The following SNTB1 variants were observed in gnomAD, a reference collection of about 807,000 sequenced individuals.
SNTB1 encodes beta-1-syntrophin.
A neutral mutation model predicts 48.9 loss-of-function variants in SNTB1; 36 were observed. The ratio of observed to expected loss-of-function variants is 0.74; its 90% confidence interval spans 0.56 to 0.97. The LOEUF (loss-of-function observed/expected upper bound fraction) is 0.97. SNTB1 is among the 50% of genes least tolerant of loss of function. The pLI is 0.00. For missense variants in SNTB1, 786 were observed against 703.4 expected, an observed-to-expected ratio of 1.12 and a Z score of -1.33; for synonymous variants, 299 against 294.6, an observed-to-expected ratio of 1.01 and a Z score of -0.15.
intron 1 of SNTB1, among the ~76,000 whole-genome samples, 200 bp downstream of exon 1, chr8:120,811,073 G>A (rs1820418157): frequency 6.6e-6 from 1 of 151,940 alleles, no homozygotes; most frequent in Non-Finnish European, 1.5e-5. Context: ...GAGACAAATT[G>A]CCCCCAGGGT....
At chr8:120,725,840 T>C (rs1818747041) in intron 1 of SNTB1, among the ~76,000 whole-genome samples, 1 of 152,224 alleles carries the variant, frequency 6.6e-6, no homozygotes, top group South Asian at 2.1e-4. Flanking sequence ...AGGAGAGCTT[T>C]CTTAAGAGTT....
At chr8:120,671,290 C>T (rs1817753755) in intron 2 of SNTB1, among the ~76,000 whole-genome samples, 1 of 152,206 alleles carries the variant, frequency 6.6e-6, no homozygotes, top group Admixed American at 6.5e-5. Flanking sequence ...CCCAGAACCT[C>T]AGAATGCAAC....
chr8:120,703,915 A>G (rs554583393), intron 1 of SNTB1, among the ~76,000 whole-genome samples: 29 of 152,336 alleles, frequency 1.9e-4, no homozygotes, highest in Admixed American at 3.9e-4. Context: ...GCATACTATT[A>G]CGCCTACCTT....
intron 2 of SNTB1, among the ~76,000 whole-genome samples, chr8:120,649,177 A>G (rs1194080902): frequency 6.6e-6 from 1 of 150,952 alleles, no homozygotes; most frequent in Non-Finnish European, 1.5e-5. Context: ...CGTCAAAGTC[A>G]TTCTCCATCC....
chr8:120,802,845 C>G (rs73325158), intron 1 of SNTB1, among the ~76,000 whole-genome samples: 1 of 151,866 alleles, frequency 6.6e-6, no homozygotes. Context: ...TCAGAACAAA[C>G]CTACAAAGAG....
At chr8:120,555,192 G>C (rs1237655041) in intron 4 of SNTB1, among the ~76,000 whole-genome samples, 1 of 152,162 alleles carries the variant, frequency 6.6e-6, no homozygotes, top group African/African-American at 2.4e-5. Context: ...GGAAAATTTA[G>C]AACACGGACA....
At chr8:120,720,602 G>A (rs1285381034) in intron 1 of SNTB1, among the ~76,000 whole-genome samples, 2 of 152,214 alleles carry the variant, frequency 1.3e-5, no homozygotes, top group South Asian at 4.1e-4. Context: ...CTTATGGCGA[G>A]AAGTATTAGA....
At chr8:120,597,043 T>G (rs1587017261) in intron 3 of SNTB1, among the ~76,000 whole-genome samples, 1 of 152,172 alleles carries the variant, frequency 6.6e-6, no homozygotes, top group East Asian at 1.9e-4. Context: ...ATAGGGAGAC[T>G]AGCCTGAGTT....
intron 4 of SNTB1, among the ~76,000 whole-genome samples, chr8:120,567,494 C>T (rs987026069): frequency 1.3e-5 from 2 of 150,042 alleles, no homozygotes; most frequent in Admixed American, 1.3e-4. Flanking sequence ...CATCATAGCT[C>T]ATTGCAACCT....
At chr8:120,719,748 G>A (rs1457075660) in intron 1 of SNTB1, among the ~76,000 whole-genome samples, 3 of 152,314 alleles carry the variant, frequency 2.0e-5, no homozygotes, top group Admixed American at 2.0e-4. Flanking sequence ...TGTAGGGAAA[G>A]AGAGACAGGG....
chr8:120,644,701 T>C (rs933296382), intron 2 of SNTB1, among the ~76,000 whole-genome samples: 7 of 151,556 alleles, frequency 4.6e-5, no homozygotes, highest in Non-Finnish European at 4.4e-5. Flanking sequence ...CTGGGTCAAA[T>C]GGTATTTCCA....
intron 1 of SNTB1, among the ~76,000 whole-genome samples, chr8:120,754,588 A>T (rs977751815): frequency 2.0e-5 from 3 of 152,172 alleles, no homozygotes; most frequent in African/African-American, 7.2e-5. Context: ...AATTGTTCCA[A>T]ATTCAGAGGG....
intron 1 of SNTB1, among the ~76,000 whole-genome samples, chr8:120,782,031 G>A (rs182779701): frequency 1.8e-3 from 274 of 152,302 alleles, no homozygotes; most frequent in Non-Finnish European, 7.5e-4. Context: ...CAAAATCACA[G>A]TGTGAGCAGG....
At chr8:120,615,100 G>A (rs1395226765) in intron 3 of SNTB1, among the ~76,000 whole-genome samples, 2 of 151,888 alleles carry the variant, frequency 1.3e-5, no homozygotes, top group African/African-American at 2.4e-5. Context: ...TCAGTGAGCC[G>A]AGATTGCGCC....
chr8:120,661,348 T>C (rs999626576), intron 2 of SNTB1, among the ~76,000 whole-genome samples: 1 of 152,190 alleles, frequency 6.6e-6, no homozygotes, highest in Non-Finnish European at 1.5e-5. Context: ...AAAAGGAATT[T>C]CGAGGCCATT....
At chr8:120,767,827 A>G (rs964988138) in intron 1 of SNTB1, among the ~76,000 whole-genome samples, 2 of 152,180 alleles carry the variant, frequency 1.3e-5, no homozygotes, top group African/African-American at 4.8e-5. Flanking sequence ...TTTTATTAAT[A>G]TACTGGTAAC....
chr8:120,727,379 A>G (rs1009474250), intron 1 of SNTB1, among the ~76,000 whole-genome samples: 1 of 152,190 alleles, frequency 6.6e-6, no homozygotes, highest in Non-Finnish European at 1.5e-5. Context: ...CGTTGGGGTC[A>G]GCCAGATGAG....
chr8:120,566,329 CA>C (rs71306894), intron 4 of SNTB1, among the ~76,000 whole-genome samples: 2,908 of 77,826 alleles, frequency 0.037, 36 homozygotes, highest in African/African-American at 0.12. Context: ...GACTCTGTCT[CA>C]AAAAAAAAAA....
chr8:120,711,644 T>G (rs1291949996), intron 1 of SNTB1, among the ~76,000 whole-genome samples: 6 of 152,208 alleles, frequency 3.9e-5, no homozygotes, highest in Non-Finnish European at 8.8e-5. Context: ...TCTTCACTCC[T>G]TTTTCTTTTC....
Sources: gnomAD v4.1 joint callset for allele counts (sites outside exome capture counted in the v4.1 genomes callset) on GRCh38, gnomAD v4.1.1 for gene constraint, MANE v1.5 for transcripts, NCBI Gene and HGNC (gene_info 2026-07-23, HGNC 2026-07-21) for gene names.